Variants in PUM1 observed in about 807,000 individuals in gnomAD.
PUM1 encodes the protein pumilio homolog 1.
PUM1 carries 13 observed loss-of-function variants against 131.8 expected under a neutral mutation model. The observed-to-expected ratio is 0.10, with a 90% confidence interval of 0.06 to 0.16. PUM1 has a LOEUF of 0.16. Among genes scored for constraint, PUM1 ranks in the 10% least tolerant of loss-of-function variants. The pLI is 1.00. For missense variants in PUM1, 961 were observed against 1,512.4 expected (o/e 0.64, Z 6.05); for synonymous variants, 509 against 556.5 (o/e 0.91, Z 1.20).
Position 31,059,193 on chromosome 1 carries a change from CT to C in PUM1, c.363+10del, listed in dbSNP as rs747896962. 6.5e-6 allele frequency: 10 copies of C among 1,543,108 alleles called. No individual in the cohort carries two copies. Among genetic ancestry groups the C allele is most frequent in the South Asian group, 3.7e-5 (3 of 80,332 alleles). On this transcript the variant is annotated intron_variant, in intron 2 of 21. Coordinates refer to ENST00000426105, the MANE Select transcript of PUM1 (RefSeq NM_001020658.2). ...GGAATGTCAAAGCTAAAATAGTGAACTTTTTTTTACCTGATGTTCTGCATGA... is the reference window on the plus strand; with the variant it reads ...GGAATGTCAAAGCTAAAATAGTGAACTTTTTTTACCTGATGTTCTGCATGA...
intron 2 of PUM1, among the ~76,000 whole-genome samples, chr1:31,056,817 G>T (rs2124600150): frequency 6.6e-6 from 1 of 150,960 alleles, no homozygotes; most frequent in South Asian, 2.1e-4. Context: ...TTTTTGAGAT[G>T]GAGTTTCACC....
intron 2 of PUM1, among the ~76,000 whole-genome samples, chr1:31,045,355 C>G (rs1446792201): frequency 2.6e-5 from 4 of 151,394 alleles, no homozygotes; most frequent in Non-Finnish European, 5.9e-5. Flanking sequence ...CCAGGCAGGT[C>G]GCGAACTCCT....
Position 30,967,756 on chromosome 1 carries a change from G to A in PUM1, c.1646-446C>T, listed in dbSNP as rs117544067. On this transcript the variant is annotated intron_variant, in intron 11 of 21. Transcript: ENST00000426105. ...TGGCTATGCTCTATGATCAGTAAAG[G>A]TCCATAAAAATACGCTGACATCTCT... Among the ~76,000 whole-genome samples, 774 of 152,264 alleles carry A rather than the reference G, an allele frequency of 5.1e-3. 4 individuals carry two copies. The highest frequency in any genetic ancestry group is 0.032 in the East Asian group (166 of 5,190).
chr1:30,933,783 G>A (rs568304495), intron 21 of PUM1, among the ~76,000 whole-genome samples: 7 of 152,294 alleles, frequency 4.6e-5, no homozygotes, highest in South Asian at 2.1e-4. Context: ...GGGTTATTTC[G>A]GGTCACCAGA....
chr1:30,977,202 C>T (rs1477132366), intron 9 of PUM1, among the ~76,000 whole-genome samples: 1 of 152,074 alleles, frequency 6.6e-6, no homozygotes, highest in Non-Finnish European at 1.5e-5. Flanking sequence ...GTGTTATGTG[C>T]CTGTGGTTTT....
intron 3 of PUM1, among the ~76,000 whole-genome samples, chr1:31,019,357 CATAA>C (rs1035285010): frequency 6.6e-6 from 1 of 152,268 alleles, no homozygotes; most frequent in South Asian, 2.1e-4. Flanking sequence ...GTTTCAAAAA[CATAA>C]ATAAATAAAC....
At position 31,007,082 on chromosome 1, in the gene PUM1, C is replaced by T. The variant is rs1642421617; in HGVS notation, c.453G>A (p.Lys151=). The T allele has an allele frequency of 6.2e-7, 1 of 1,613,794 alleles. No individual in the cohort carries two copies. Among genetic ancestry groups the T allele is most frequent in the Non-Finnish European group, 8.5e-7 (1 of 1,179,784 alleles). Reference sequence around the variant, plus strand: ...TGCTGGATTCATCTGTTTCCCAAAACTTTTTACCTGGCAAGAGCTGCTGCA... The same window carrying T: ...TGCTGGATTCATCTGTTTCCCAAAATTTTTTACCTGGCAAGAGCTGCTGCA... ...AMGEQLLPGK[K]FWETDESSKD... Residue 151 remains lysine (K), a synonymous_variant, in exon 4 of 22, where the codon AAG becomes AAA. Coordinates refer to ENST00000426105, the MANE Select transcript of PUM1 (RefSeq NM_001020658.2).
intron 14 of PUM1, among the ~76,000 whole-genome samples, chr1:30,962,664 G>A (rs1038275484): frequency 6.6e-6 from 1 of 151,990 alleles, no homozygotes; most frequent in South Asian, 2.1e-4. Flanking sequence ...TGCCCACCTC[G>A]GCCTCCCAAA....
At chr1:30,994,070 C>T (rs919561024) in intron 6 of PUM1, among the ~76,000 whole-genome samples, 4 of 151,646 alleles carry the variant, frequency 2.6e-5, no homozygotes, top group African/African-American at 9.7e-5. Context: ...ACCCTGTCTC[C>T]AAAAAATAAA....
At position 30,981,103 on chromosome 1, in the gene PUM1, CTG is replaced by C. The variant is rs200334362; in HGVS notation, c.1252+207_1252+208del. On this transcript the variant is annotated intron_variant, in intron 8 of 21. Coordinates refer to ENST00000426105, the MANE Select transcript of PUM1 (RefSeq NM_001020658.2). ...TCTGAGGTAGGGCAATGGCTGAACA[CTG>C]AAGAAATGTTATGATGCGGGTCTAC... is the stretch of plus-strand genomic sequence containing the variant. 8.2e-4 allele frequency among the ~76,000 whole-genome samples: 125 copies of C among 152,300 alleles called. 3 individuals are homozygous for C. In the East Asian group the frequency reaches 0.024, roughly 29 times the overall value.
At chr1:31,030,779 T>G (rs1311454281) in intron 2 of PUM1, among the ~76,000 whole-genome samples, 1 of 152,070 alleles carries the variant, frequency 6.6e-6, no homozygotes, top group Non-Finnish European at 1.5e-5. Flanking sequence ...GAATCTTAAC[T>G]GTCAGAACTA....
chr1:30,950,286 C>T (rs1392850725), intron 16 of PUM1, 25 bp from the exon 17 acceptor site: 4 of 1,602,538 alleles, frequency 2.5e-6, no homozygotes, highest in South Asian at 2.3e-5. Context: ...TGGGTAAACA[C>T]CATTACTTAA....
intron 15 of PUM1, 40 bp downstream of exon 15, chr1:30,953,674 C>T: frequency 6.2e-7 from 1 of 1,608,078 alleles, no homozygotes; most frequent in African/African-American, 1.3e-5. Flanking sequence ...TAAGGCATTA[C>T]AATTTCGGGT....
At chr1:31,002,386 G>A (rs2124503483) in intron 5 of PUM1, among the ~76,000 whole-genome samples, 1 of 152,256 alleles carries the variant, frequency 6.6e-6, no homozygotes, top group Non-Finnish European at 1.5e-5. Flanking sequence ...CTTCTGTGAG[G>A]TTAAGGTGGT....
intron 12 of PUM1, among the ~76,000 whole-genome samples, chr1:30,966,651 C>T (rs906847293): frequency 6.6e-6 from 1 of 152,148 alleles, no homozygotes; most frequent in African/African-American, 2.4e-5. Context: ...CTTCAAATTC[C>T]TATTTTAGCA....
At chr1:30,949,866 A>G (rs4949328) in intron 17 of PUM1, among the ~76,000 whole-genome samples, 43,283 of 152,048 alleles carry the variant, frequency 0.28, 6,653 homozygotes, top group Non-Finnish European at 0.34. Flanking sequence ...AAAAAAAACC[A>G]CCTATAAAAT....
intron 15 of PUM1, among the ~76,000 whole-genome samples, chr1:30,952,674 C>CGGGGGGGGGGGGGGG (rs1457814000): frequency 2.3e-5 from 1 of 43,418 alleles, no homozygotes; most frequent in Admixed American, 3.6e-4. Context: ...AAGATGAAAG[C>CGGGGGGGGGGGGGGG]GGGGGGGGCG....
In PUM1 at chr1:30,981,415, G is replaced by A; in HGVS notation, c.1159-10C>T. ...TAGGTCTTTGGAACAGCTGAGGCAAGAGGAAAAACACGGTGTGGTTAGGGA... is the reference window on the plus strand; with the variant it reads ...TAGGTCTTTGGAACAGCTGAGGCAAAAGGAAAAACACGGTGTGGTTAGGGA... On this transcript the variant is annotated splice_polypyrimidine_tract_variant and intron_variant, in intron 7 of 21. Transcript: ENST00000426105. The A allele has an allele frequency of 6.4e-7, 1 of 1,559,310 alleles. No individual in the cohort carries two copies. Among genetic ancestry groups the A allele is most frequent in the South Asian group, 1.2e-5 (1 of 86,172 alleles).
At chr1:30,946,898 C>T (rs1557547866) in intron 17 of PUM1, among the ~76,000 whole-genome samples, 1 of 151,940 alleles carries the variant, frequency 6.6e-6, no homozygotes, top group Non-Finnish European at 1.5e-5. Flanking sequence ...GAGCAACACC[C>T]TGTCTCTAAA....
Sources: gnomAD v4.1 joint callset for allele counts (sites outside exome capture counted in the v4.1 genomes callset) on GRCh38, gnomAD v4.1.1 for gene constraint, MANE v1.5 for transcripts, NCBI Gene and HGNC (gene_info 2026-07-23, HGNC 2026-07-21) for gene names.